Variants in SDK1 observed in about 807,000 individuals in gnomAD.
SDK1 encodes protein sidekick-1.
Under a neutral mutation model 245.5 loss-of-function variants are expected in SDK1, and 157 were observed. The ratio of observed to expected loss-of-function variants is 0.64; its 90% CI spans 0.56 to 0.73. SDK1 has a LOEUF of 0.73. Among genes scored for constraint, SDK1 ranks in the 30% least tolerant of loss-of-function variants. SDK1 has a pLI of 0.00. For synonymous variants in SDK1, 1,647 were observed against 1,278.5 expected (o/e 1.29, Z -6.15); for missense variants, 3,583 against 3,002.3 (o/e 1.19, Z -4.52).
intron 4 of SDK1, among the ~76,000 whole-genome samples, chr7:3,671,833 TTA>T (rs1783710816): frequency 6.6e-6 from 1 of 152,180 alleles, no homozygotes; most frequent in South Asian, 2.1e-4. Context: ...TGAAACCATT[TTA>T]TAGTTTTTTC....
intron 7 of SDK1, among the ~76,000 whole-genome samples, chr7:3,956,544 C>T (rs1781277619): frequency 6.6e-6 from 1 of 152,214 alleles, no homozygotes; most frequent in African/African-American, 2.4e-5. Flanking sequence ...GAAGGCTTTC[C>T]AGAACAAGCT....
At chr7:3,524,210 G>T (rs1406161594) in intron 1 of SDK1, among the ~76,000 whole-genome samples, 1 of 152,192 alleles carries the variant, frequency 6.6e-6, no homozygotes, top group Admixed American at 6.5e-5. Context: ...GAGGTCAGGG[G>T]CACCAGTTTG....
At chr7:3,798,439 G>C (rs901414311) in intron 4 of SDK1, among the ~76,000 whole-genome samples, 7 of 151,954 alleles carry the variant, frequency 4.6e-5, no homozygotes, top group African/African-American at 1.2e-4. Context: ...TGATGGTCTT[G>C]ATCTCCTGAC....
intron 35 of SDK1, among the ~76,000 whole-genome samples, chr7:4,190,782 G>T (rs1188219546): frequency 6.6e-6 from 1 of 152,236 alleles, no homozygotes; most frequent in East Asian, 1.9e-4. Context: ...CTTGCCAAAG[G>T]GCGGGTGATA....
At chr7:4,194,837 C>A (rs144705415) in intron 35 of SDK1, among the ~76,000 whole-genome samples, 252 of 152,284 alleles carry the variant, frequency 1.7e-3, no homozygotes, top group African/African-American at 5.7e-3. Flanking sequence ...TACTTTGAAT[C>A]CTTCAATCCA....
intron 1 of SDK1, among the ~76,000 whole-genome samples, chr7:3,493,995 T>A (rs1486725004): frequency 6.6e-6 from 1 of 152,242 alleles, no homozygotes; most frequent in African/African-American, 2.4e-5. Flanking sequence ...TATAGACAGT[T>A]CATTGAAACA....
At chr7:3,513,024 A>G (rs1190409555) in intron 1 of SDK1, among the ~76,000 whole-genome samples, 1 of 152,190 alleles carries the variant, frequency 6.6e-6, no homozygotes, top group Non-Finnish European at 1.5e-5. Flanking sequence ...TTCTTAGAGC[A>G]TATCCTAGAA....
chr7:4,116,491 C>G lies in SDK1; in HGVS notation c.3823+2217C>G, dbSNP rs551071731. On this transcript the variant is annotated intron_variant, in intron 25 of 44. Coordinates refer to ENST00000404826, the MANE Select transcript of SDK1 (RefSeq NM_152744.4). Reference sequence around the variant, plus strand: ...AGCTCTGGATAAAGGCTCCTCTCATCCTTTCTTGCTCATTCCCCGGGTCCC... The same window carrying G: ...AGCTCTGGATAAAGGCTCCTCTCATGCTTTCTTGCTCATTCCCCGGGTCCC... Among the ~76,000 whole-genome samples, 22 of 152,310 alleles carry G rather than the reference C, an allele frequency of 1.4e-4. No individual in the cohort carries two copies. The South Asian group carries it at 4.3e-3, about 30-fold the overall frequency.
rs112289886 is a variant in SDK1, at chr7:4,070,901, G to A, written c.3010+2965G>A. Among the ~76,000 whole-genome samples the A allele has an allele frequency of 7.5e-3, 1,134 of 151,120 alleles. 10 individuals carry two copies. Among genetic ancestry groups the A allele is most frequent in the African/African-American group, 0.026 (1,088 of 41,194 alleles). On this transcript the variant is annotated intron_variant, in intron 20 of 44. Transcript: ENST00000404826. ...ATTGTTTGTATTTTTAGTGAAGGCGGGGGTTTCACCATGTTAGCCAGGATG... is the reference window on the plus strand; with the variant it reads ...ATTGTTTGTATTTTTAGTGAAGGCGAGGGTTTCACCATGTTAGCCAGGATG...
At chr7:3,793,425 G>C (rs973906574) in intron 4 of SDK1, among the ~76,000 whole-genome samples, 1 of 152,106 alleles carries the variant, frequency 6.6e-6, no homozygotes, top group African/African-American at 2.4e-5. Flanking sequence ...AGCGATTGAC[G>C]TGACAAACGC....
At chr7:4,204,494 T>C (rs1018489522) in intron 35 of SDK1, among the ~76,000 whole-genome samples, 1 of 151,998 alleles carries the variant, frequency 6.6e-6, no homozygotes, top group Non-Finnish European at 1.5e-5. Flanking sequence ...TTAATTACTA[T>C]TTTATTCTGC....
chr7:4,244,167 AC>A, intron 43 of SDK1, among the ~76,000 whole-genome samples: 1 of 152,064 alleles, frequency 6.6e-6, no homozygotes, highest in Non-Finnish European at 1.5e-5. Flanking sequence ...CAGAGTCTCC[AC>A]CCAAGGCCTG....
intron 1 of SDK1, among the ~76,000 whole-genome samples, chr7:3,611,824 T>C (rs1219391100): frequency 3.3e-5 from 5 of 152,096 alleles, no homozygotes; most frequent in Non-Finnish European, 7.4e-5. Context: ...AATCAAAAAA[T>C]AATAGATGAT....
At chr7:4,255,809 G>A (rs1470108896) in intron 44 of SDK1, among the ~76,000 whole-genome samples, 1 of 152,122 alleles carries the variant, frequency 6.6e-6, no homozygotes, top group Non-Finnish European at 1.5e-5. Flanking sequence ...AGCAGGTCAT[G>A]GCTCAAGCAC....
intron 1 of SDK1, among the ~76,000 whole-genome samples, chr7:3,570,868 A>G (rs1211690334): frequency 1.3e-5 from 2 of 149,792 alleles, no homozygotes; most frequent in Non-Finnish European, 3.0e-5. Flanking sequence ...AGAATTTATT[A>G]TAATCACAGT....
intron 7 of SDK1, among the ~76,000 whole-genome samples, chr7:3,954,334 CCTCCT>C (rs1482493313): frequency 5.9e-5 from 1 of 16,840 alleles, no homozygotes; most frequent in African/African-American, 2.9e-4. Flanking sequence ...CCTCCCCTCC[CCTCCT>C]GCCTCCCCTC....
At chr7:3,811,240 C>T (rs568645077) in intron 4 of SDK1, among the ~76,000 whole-genome samples, 1 of 152,260 alleles carries the variant, frequency 6.6e-6, no homozygotes, top group East Asian at 1.9e-4. Flanking sequence ...AGTGATGAGC[C>T]TGTGGGAGTA....
At chr7:3,692,876 A>G (rs1784473334) in intron 4 of SDK1, among the ~76,000 whole-genome samples, 1 of 152,036 alleles carries the variant, frequency 6.6e-6, no homozygotes, top group South Asian at 2.1e-4. Flanking sequence ...ACTGGCAAAT[A>G]CATTTCTATT....
intron 17 of SDK1, among the ~76,000 whole-genome samples, chr7:4,035,268 T>C (rs201136465): frequency 6.6e-6 from 1 of 152,260 alleles, no homozygotes; most frequent in Admixed American, 6.5e-5. Flanking sequence ...TACAGGTGTG[T>C]GCCACCATGC....
Sources: allele counts gnomAD v4.1 joint callset (sites outside exome capture counted in the v4.1 genomes callset), GRCh38; gene constraint gnomAD v4.1.1; transcripts MANE v1.5; gene names NCBI Gene and HGNC (gene_info 2026-07-23, HGNC 2026-07-21).